Variants in PIAS2 observed in about 807,000 individuals in gnomAD.
PIAS2 encodes E3 SUMO-protein ligase PIAS2.
PIAS2 carries 19 observed loss-of-function variants against 69.7 expected under a neutral mutation model. The observed-to-expected ratio is 0.27, with a 90% confidence interval of 0.19 to 0.40. The LOEUF (loss-of-function observed/expected upper bound fraction) is 0.40, where lower values mean the gene tolerates loss of function less well. PIAS2 is among the 10% of genes least tolerant of loss of function. The pLI, the probability that PIAS2 is intolerant of heterozygous loss-of-function variation, is 1.00. For missense variants in PIAS2, 624 were observed against 757.0 expected, an observed-to-expected ratio of 0.82 and a Z score of 2.06; for synonymous variants, 261 against 263.2, an observed-to-expected ratio of 0.99 and a Z score of 0.08.
At chr18:46,915,300 G>A (rs970005993) in intron 1 of PIAS2, 1 of 152,150 alleles carries the variant, frequency 6.6e-6, no homozygotes, top group Non-Finnish European at 1.5e-5. Flanking sequence ...ATTAAAATGG[G>A]TATATACCAT....
At chr18:46,918,887 CCT>C (rs1384472886), upstream of PIAS2, among the ~76,000 whole-genome samples, 4 of 152,066 alleles carry the variant, frequency 2.6e-5, no homozygotes, top group Non-Finnish European at 5.9e-5. Flanking sequence ...TTCAAATTCC[CCT>C]GTTATGACCT....
In PIAS2 at chr18:46,807,380, TA is replaced by T. The variant is rs56938039; in HGVS notation, c.*5052del. On this transcript the variant is annotated 3_prime_UTR_variant, in exon 14 of 14. Transcript: ENST00000585916. ...TTATATATATATATATATATATATA[TA>T]TATTTTTTTTTTTTTTTTTTTTTTT... 318 of 32,634 alleles carry T rather than the reference TA, an allele frequency of 9.7e-3. 1 individual carries two copies. The highest frequency in any genetic ancestry group is 0.014 in the East Asian group (25 of 1,760). The allele number at this position is 32,634 out of a possible 1,614,324, so 2.0% of individuals were successfully genotyped here. A position where few individuals can be genotyped will look rare whatever the true frequency, so the allele number is the denominator to read the frequency against.
At chr18:46,897,926 TG>T (rs1200231268) in intron 1 of PIAS2, among the ~76,000 whole-genome samples, 6 of 151,902 alleles carry the variant, frequency 3.9e-5, no homozygotes, top group Non-Finnish European at 8.8e-5. Flanking sequence ...AGCTGGAGTG[TG>T]GCAACACGAT....
chr18:46,818,517 A>C (rs1302487913), intron 12 of PIAS2: 35 of 1,367,820 alleles, frequency 2.6e-5, no homozygotes, highest in Non-Finnish European at 3.2e-5. Flanking sequence ...AAACTTTGTT[A>C]TCTCTCCATT....
At chr18:46,913,625 G>A (rs1456857383) in intron 1 of PIAS2, among the ~76,000 whole-genome samples, 2 of 151,932 alleles carry the variant, frequency 1.3e-5, no homozygotes, top group Non-Finnish European at 2.9e-5. Context: ...GAGAAGTAGG[G>A]AAAGTAGATT....
chr18:46,910,748 T>A (rs1196672754), intron 1 of PIAS2, among the ~76,000 whole-genome samples: 1 of 152,182 alleles, frequency 6.6e-6, no homozygotes, highest in East Asian at 1.9e-4. Flanking sequence ...AGAATAACCA[T>A]CAGATCTGCA....
chr18:46,910,015 C>A (rs182328138), intron 1 of PIAS2, among the ~76,000 whole-genome samples: 1 of 151,980 alleles, frequency 6.6e-6, no homozygotes, highest in African/African-American at 2.4e-5. Flanking sequence ...AAAAATTAGC[C>A]GGGCATGGTG....
At chr18:46,849,546 T>C (rs2046657055) in intron 5 of PIAS2, among the ~76,000 whole-genome samples, 2 of 152,084 alleles carry the variant, frequency 1.3e-5, no homozygotes, top group Admixed American at 1.3e-4. Context: ...AGCGGAACAC[T>C]TTGTGGTAGT....
In PIAS2 at chr18:46,806,742, T is replaced by A. The variant is rs930778339; in HGVS notation, c.*5691A>T. The A allele has an allele frequency of 3.9e-5, 6 of 152,198 alleles. No homozygotes were observed. The highest frequency in any genetic ancestry group is 1.2e-4 in the African/African-American group (5 of 41,440). The allele number at this position is 152,198 out of a possible 1,614,324, so 9.4% of individuals were successfully genotyped here. On this transcript the variant is annotated 3_prime_UTR_variant, in exon 14 of 14. Transcript: ENST00000585916. ...CTGTAACACTCTATTCCACGTGTACTTACAAAACACTCTAAACATTTATTA... is the reference window on the plus strand; with the variant it reads ...CTGTAACACTCTATTCCACGTGTACATACAAAACACTCTAAACATTTATTA...
At position 46,844,941 on chromosome 18, in the gene PIAS2, T is replaced by C; in HGVS notation, c.862-102A>G. The C allele has an allele frequency of 6.3e-6, 3 of 478,962 alleles. No individual in the cohort carries two copies. In the East Asian group the frequency reaches 1.0e-4, roughly 16 times the overall value. 29.7% of individuals were successfully genotyped at this position (478,962 alleles called of 1,614,324 possible). A position where few individuals can be genotyped will look rare whatever the true frequency, so the allele number is the denominator to read the frequency against. On this transcript the variant is annotated intron_variant, in intron 6 of 13. Coordinates refer to ENST00000585916, the MANE Select transcript of PIAS2 (RefSeq NM_004671.5). ...GAAACTCTGGTTTCTAAAAATAACA[T>C]TCAAAATAACTTCCATGGAATGGTC...
intron 8 of PIAS2, among the ~76,000 whole-genome samples, chr18:46,841,616 C>CT (rs1183313661): frequency 6.6e-6 from 1 of 152,158 alleles, no homozygotes; most frequent in African/African-American, 2.4e-5. Flanking sequence ...AGCTACCCAA[C>CT]TTTATGTTAA....
At position 46,810,569 on chromosome 18, in the gene PIAS2, G is replaced by A. The variant is rs1159626131; in HGVS notation, c.*1864C>T. ...CAACTATGTGCAACTACTGCTCGTA[G>A]ATTTGGGTTTGTTTCCCCCCCAACA... On this transcript the variant is annotated 3_prime_UTR_variant, in exon 14 of 14. Coordinates refer to ENST00000585916, the MANE Select transcript of PIAS2 (RefSeq NM_004671.5). 2 of 152,120 alleles carry A rather than the reference G, an allele frequency of 1.3e-5. No homozygotes were observed. The highest frequency in any genetic ancestry group is 4.8e-5 in the African/African-American group (2 of 41,408). The allele number at this position is 152,120 out of a possible 1,614,324, so 9.4% of individuals were successfully genotyped here.
intron 2 of PIAS2, among the ~76,000 whole-genome samples, chr18:46,879,362 C>T (rs942623535): frequency 7.2e-6 from 1 of 137,992 alleles, no homozygotes; most frequent in African/African-American, 2.8e-5. Context: ...AATGCCACCT[C>T]ACACCCATCA....
chr18:46,815,912 T>C (rs2041472961), intron 12 of PIAS2: 2 of 985,338 alleles, frequency 2.0e-6, no homozygotes, highest in South Asian at 9.4e-5. Context: ...GGTTACTGGG[T>C]TCTGAGCTAA....
At chr18:46,907,649 C>A (rs1287287202) in intron 1 of PIAS2, 1 of 152,170 alleles carries the variant, frequency 6.6e-6, no homozygotes, top group African/African-American at 2.4e-5. Context: ...TCAACTGTAT[C>A]TTGTCAACTG....
At position 46,809,140 on chromosome 18, in the gene PIAS2, C is replaced by T. The variant is rs1192431818; in HGVS notation, c.*3293G>A. The T allele has an allele frequency of 6.6e-6, 1 of 152,116 alleles. No homozygotes were observed. The highest frequency in any genetic ancestry group is 2.4e-5 in the African/African-American group (1 of 41,424). 9.4% of individuals were successfully genotyped at this position (152,116 alleles called of 1,614,324 possible). On this transcript the variant is annotated 3_prime_UTR_variant, in exon 14 of 14. Transcript: ENST00000585916. ...GACTAAGGAAAACTTGGTTTTATAC[C>T]AAGAATTATGAATCAACCTACACTT...
chr18:46,911,016 G>A (rs1425203482), intron 1 of PIAS2, among the ~76,000 whole-genome samples: 1 of 152,072 alleles, frequency 6.6e-6, no homozygotes, highest in Non-Finnish European at 1.5e-5. Flanking sequence ...TAACCCAGGA[G>A]AACAATGTGA....
chr18:46,869,468 A>G (rs1320077833), intron 2 of PIAS2, among the ~76,000 whole-genome samples: 2 of 152,188 alleles, frequency 1.3e-5, no homozygotes, highest in Non-Finnish European at 2.9e-5. Context: ...AAGGCAAGAA[A>G]TCTCTAATAT....
At chr18:46,815,385 AT>A in intron 12 of PIAS2, 36 bp from the exon 13 acceptor site, 1 of 1,609,080 alleles carries the variant, frequency 6.2e-7, no homozygotes, top group Non-Finnish European at 8.5e-7. Context: ...GTTGTCTCAT[AT>A]TTTGGGAGAC....
Sources: allele counts gnomAD v4.1 joint callset (sites outside exome capture counted in the v4.1 genomes callset), GRCh38; gene constraint gnomAD v4.1.1; transcripts MANE v1.5; gene names NCBI Gene and HGNC (gene_info 2026-07-23, HGNC 2026-07-21).